STXBP5L: variants seen among roughly 807,000 people sequenced by gnomAD.
The protein encoded by STXBP5L is syntaxin-binding protein 5-like.
A neutral mutation model predicts 144.5 loss-of-function variants in STXBP5L; 65 were observed. The observed-to-expected ratio is 0.45, with a 90% CI of 0.37 to 0.55. The LOEUF (loss-of-function observed/expected upper bound fraction) is 0.55, where lower values mean the gene tolerates loss of function less well. STXBP5L is among the 20% of genes least tolerant of loss of function. The probability of loss-of-function intolerance (pLI) is 0.00; values close to 1 mark genes in which losing one functional copy is unlikely to be tolerated. For synonymous variants in STXBP5L, 505 were observed against 469.6 expected (o/e 1.08, Z -0.97); for missense variants, 1,298 against 1,405.5 (o/e 0.92, Z 1.22).
chr3:121,197,894 A>G (rs954617579), intron 9 of STXBP5L, among the ~76,000 whole-genome samples: 3 of 152,138 alleles, frequency 2.0e-5, no homozygotes, highest in African/African-American at 7.2e-5. Flanking sequence ...CCAGTCTATC[A>G]CTGATGGACA....
intron 3 of STXBP5L, among the ~76,000 whole-genome samples, chr3:121,000,576 A>G (rs1301911890): frequency 2.0e-5 from 3 of 152,152 alleles, no homozygotes; most frequent in East Asian, 1.9e-4. Context: ...CTTGATGATC[A>G]TTGCCATTGC....
chr3:121,172,515 G>C (rs1033066276), intron 9 of STXBP5L, among the ~76,000 whole-genome samples: 2 of 152,182 alleles, frequency 1.3e-5, no homozygotes, highest in African/African-American at 4.8e-5. Context: ...CAAAAAGTGG[G>C]CAAAGGGTAT....
At chr3:121,015,209 G>C (rs1457444048) in intron 3 of STXBP5L, among the ~76,000 whole-genome samples, 1 of 152,120 alleles carries the variant, frequency 6.6e-6, no homozygotes, top group Non-Finnish European at 1.5e-5. Flanking sequence ...GCAAGAAGTT[G>C]ACCCAGCTAG....
intron 9 of STXBP5L, among the ~76,000 whole-genome samples, chr3:121,174,183 T>C (rs2046842375): frequency 6.6e-6 from 1 of 152,246 alleles, no homozygotes; most frequent in Admixed American, 6.6e-5. Flanking sequence ...ATCTTTACAG[T>C]TTTTTGCATT....
intron 3 of STXBP5L, among the ~76,000 whole-genome samples, chr3:120,955,846 A>G (rs951887859): frequency 1.3e-5 from 2 of 152,064 alleles, no homozygotes; most frequent in African/African-American, 4.8e-5. Flanking sequence ...TTTCATTTCA[A>G]TAATTTTGCC....
intron 11 of STXBP5L, among the ~76,000 whole-genome samples, chr3:121,231,692 C>T (rs1315650371): frequency 1.3e-5 from 2 of 152,114 alleles, no homozygotes; most frequent in African/African-American, 4.8e-5. Flanking sequence ...GAGATTCCTT[C>T]CCAGTGAATC....
intron 18 of STXBP5L, among the ~76,000 whole-genome samples, chr3:121,268,528 C>T (rs1200910227): frequency 6.6e-6 from 1 of 152,036 alleles, no homozygotes; most frequent in Non-Finnish European, 1.5e-5. Flanking sequence ...ACATTCTGTA[C>T]ATGTATCCCA....
At chr3:121,188,455 G>T (rs1047367281) in intron 9 of STXBP5L, among the ~76,000 whole-genome samples, 2 of 150,400 alleles carry the variant, frequency 1.3e-5, no homozygotes, top group African/African-American at 4.9e-5. Context: ...TTAACGAAAT[G>T]AAGGCAAAGC....
In STXBP5L at chr3:121,068,332, C is replaced by T. The variant is rs991639653; in HGVS notation, c.470+22797C>T. 4.6e-5 allele frequency among the ~76,000 whole-genome samples: 7 copies of T among 152,300 alleles called. No homozygotes were observed. The East Asian group carries it at 5.8e-4, about 13-fold the overall frequency. ...CAATATTAGTCTTATACTTGGTGTACCTAACATTTAATATAATTTATTGAT... is the reference window on the plus strand; with the variant it reads ...CAATATTAGTCTTATACTTGGTGTATCTAACATTTAATATAATTTATTGAT... On this transcript the variant is annotated intron_variant, in intron 5 of 26. Coordinates refer to ENST00000471454, the MANE Select transcript of STXBP5L (RefSeq NM_001308330.2).
At chr3:121,086,871 C>T (rs760465714) in intron 5 of STXBP5L, among the ~76,000 whole-genome samples, 4 of 151,904 alleles carry the variant, frequency 2.6e-5, no homozygotes, top group Admixed American at 6.6e-5. Context: ...TATATAAGAG[C>T]GATGTTTGCA....
chr3:121,078,793 C>G (rs1019966827), intron 5 of STXBP5L, among the ~76,000 whole-genome samples: 1 of 152,258 alleles, frequency 6.6e-6, no homozygotes, highest in African/African-American at 2.4e-5. Context: ...AGCCGCTGGC[C>G]CAGGTGCTAA....
At chr3:121,416,094 A>G (rs748455165) in intron 25 of STXBP5L, 126 bp downstream of exon 25, 42 of 681,018 alleles carry the variant, frequency 6.2e-5, no homozygotes, top group Middle Eastern at 2.8e-4. Context: ...TTTTGCATCT[A>G]TCTTAAAGTT....
intron 18 of STXBP5L, among the ~76,000 whole-genome samples, chr3:121,266,878 A>G (rs1365953564): frequency 1.3e-5 from 2 of 152,132 alleles, no homozygotes; most frequent in Non-Finnish European, 2.9e-5. Flanking sequence ...TACAAAGAGA[A>G]TAAAATACCT....
At chr3:121,117,143 A>T (rs991167203) in intron 6 of STXBP5L, among the ~76,000 whole-genome samples, 5 of 151,896 alleles carry the variant, frequency 3.3e-5, no homozygotes, top group Admixed American at 2.0e-4. Flanking sequence ...ACTAATGAAG[A>T]GTTTTTAAAA....
chr3:121,011,854 TC>T (rs1944798525), intron 3 of STXBP5L, among the ~76,000 whole-genome samples: 1 of 151,840 alleles, frequency 6.6e-6, no homozygotes, highest in Admixed American at 6.6e-5. Flanking sequence ...AGTAAACAAT[TC>T]AGTGATTTTG....
At chr3:121,016,081 C>T (rs576339870) in intron 3 of STXBP5L, among the ~76,000 whole-genome samples, 2 of 152,268 alleles carry the variant, frequency 1.3e-5, no homozygotes, top group South Asian at 2.1e-4. Flanking sequence ...AAGTCTCTGG[C>T]ATATATGGCT....
At chr3:121,375,352 T>C (rs1038168464) in intron 20 of STXBP5L, among the ~76,000 whole-genome samples, 3 of 152,194 alleles carry the variant, frequency 2.0e-5, no homozygotes, top group Non-Finnish European at 4.4e-5. Context: ...GCATTACATG[T>C]GCCTCTTAAA....
chr3:120,919,561 C>T (rs903348737), intron 2 of STXBP5L, among the ~76,000 whole-genome samples: 6 of 151,970 alleles, frequency 3.9e-5, no homozygotes, highest in South Asian at 2.1e-4. Context: ...ATTGTTGGCT[C>T]TTTCTTTGCT....
intron 23 of STXBP5L, 41 bp downstream of exon 23, chr3:121,407,644 A>G (rs761770213): frequency 7.4e-6 from 12 of 1,610,796 alleles, no homozygotes; most frequent in Non-Finnish European, 1.0e-5. Flanking sequence ...TCACAACAAT[A>G]CCAGCAAGGT....
Sources: gnomAD v4.1 joint callset for allele counts (sites outside exome capture counted in the v4.1 genomes callset) on GRCh38, gnomAD v4.1.1 for gene constraint, MANE v1.5 for transcripts, NCBI Gene and HGNC (gene_info 2026-07-23, HGNC 2026-07-21) for gene names.